RELN: variants seen among roughly 807,000 people sequenced by gnomAD.
RELN encodes the protein reelin.
In RELN, 108 loss-of-function variants were observed where a neutral mutation model predicts 427.6. The ratio of observed to expected loss-of-function variants is 0.25; its 90% CI spans 0.22 to 0.30. The LOEUF is 0.30. Among genes scored for constraint, RELN ranks in the 10% least tolerant of loss-of-function variants. RELN has a pLI of 1.00. For synonymous variants in RELN, 1,524 were observed against 1,513.4 expected, an observed-to-expected ratio of 1.01 and a Z score of -0.16; for missense variants, 3,715 against 4,302.8, an observed-to-expected ratio of 0.86 and a Z score of 3.82.
intron 2 of RELN, among the ~76,000 whole-genome samples, chr7:103,873,761 G>A (rs1264532930): frequency 7.2e-6 from 1 of 137,940 alleles, no homozygotes; most frequent in Admixed American, 7.4e-5. Flanking sequence ...ATTCACAGCC[G>A]AATTCTACCA....
Position 103,593,662 on chromosome 7 carries a change from A to G in RELN, c.3912+20T>C. ...TTTTACTCCTTAACTTGCTCTGGGA[A>G]GAAGCTTGTGCATAAATACCTTGAA... On this transcript the variant is annotated intron_variant, in intron 27 of 64. Coordinates refer to ENST00000428762, the MANE Select transcript of RELN (RefSeq NM_005045.4). The G allele has an allele frequency of 6.2e-7, 1 of 1,601,510 alleles. No individual in the cohort carries two copies.
At chr7:103,986,629 TAAAA>T (rs34403864) in intron 1 of RELN, among the ~76,000 whole-genome samples, 18 of 102,292 alleles carry the variant, frequency 1.8e-4, no homozygotes, top group South Asian at 6.9e-4. Flanking sequence ...TTCTTTTAGG[TAAAA>T]AAAAAAAAAA....
intron 11 of RELN, among the ~76,000 whole-genome samples, chr7:103,666,438 G>A (rs1833269472): frequency 6.6e-6 from 1 of 151,908 alleles, no homozygotes; most frequent in Non-Finnish European, 1.5e-5. Context: ...AAATGACTTA[G>A]ATTTAAAAAA....
chr7:103,515,288 G>A lies in RELN; in HGVS notation c.8016C>T (p.Asp2672=). Residue 2672 remains aspartate, a synonymous_variant, in exon 50 of 65, where the codon GAC becomes GAT. Transcript: ENST00000428762. ...GGGGTACTGGGGCGCTGCTGAAGGT[G>A]TCCAGCATAACGGTCCTTTGGTCAG... ...GSADQRTVML[D]TFSSAPVPQH... is the part of the protein sequence containing the mutation. The A allele has an allele frequency of 6.2e-7, 1 of 1,614,182 alleles. No homozygotes were observed. The highest frequency in any genetic ancestry group is 8.5e-7 in the Non-Finnish European group (1 of 1,180,030).
intron 47 of RELN, 91 bp downstream of exon 47, chr7:103,523,300 G>C: frequency 7.1e-7 from 1 of 1,411,778 alleles, no homozygotes; most frequent in South Asian, 1.2e-5. Context: ...AAGGAAGCAT[G>C]GGAGTGATTC....
In RELN at chr7:103,496,576, A is replaced by G. The variant is rs1481510908; in HGVS notation, c.9143T>C (p.Ile3048Thr). 3.1e-6 allele frequency: 5 copies of G among 1,614,030 alleles called. No homozygotes were observed. Among genetic ancestry groups the G allele is most frequent in the East Asian group, 4.5e-5 (2 of 44,896 alleles). The change falls in exon 56 of 65, where the codon ATT becomes ACT. Residue 3048 changes from isoleucine to threonine, a missense_variant. Transcript: ENST00000428762. ...GCTGGGATTGATTTCTGCTCCACCA[A>G]TCAAAATGTTGTCCAGTGCCCACTG... ...RAQWALDNIL[I>T]GGAEINPSQL...
chr7:103,612,905 T>C (rs182863157), intron 20 of RELN, among the ~76,000 whole-genome samples: 2 of 152,330 alleles, frequency 1.3e-5, no homozygotes, highest in African/African-American at 4.8e-5. Flanking sequence ...TGTAGTTACA[T>C]GAGTCAATGT....
At chr7:103,766,333 A>G (rs1304638139) in intron 4 of RELN, among the ~76,000 whole-genome samples, 1 of 152,228 alleles carries the variant, frequency 6.6e-6, no homozygotes, top group East Asian at 1.9e-4. Flanking sequence ...AGTGAAATAC[A>G]TCAGTATTTA....
At position 103,603,471 on chromosome 7, in the gene RELN, C is replaced by T; in HGVS notation, c.3166G>A (p.Gly1056Ser). Residue 1056 changes from glycine to serine, a missense_variant, in exon 24 of 65, where the codon GGC becomes AGC. By Grantham distance (56) the Gly-to-Ser change is moderately conservative. This residue lies in a region of RELN where 2,208 missense variants were observed against 2,361.7 expected (regional missense o/e 0.93). Transcript: ENST00000428762. The surrounding 1 kb of genome is among the most constrained non-coding windows in gnomAD (Gnocchi z 4.3). ...GICRCDQGYQ[G>S]TECHPEAALP... ...GCAGCTTCTGGGTGGCATTCAGTGC[C>T]TTGGTACCCCTGGTCACACCTATGA... 6.2e-7 allele frequency: 1 copy of T among 1,613,850 alleles called. No individual in the cohort carries two copies. Among genetic ancestry groups the T allele is most frequent in the Non-Finnish European group, 8.5e-7 (1 of 1,179,830 alleles).
intron 2 of RELN, among the ~76,000 whole-genome samples, chr7:103,905,239 A>T (rs1030256880): frequency 3.3e-5 from 5 of 151,754 alleles, no homozygotes; most frequent in African/African-American, 9.7e-5. Flanking sequence ...CACCCTCCCA[A>T]AGTGCTGGGA....
intron 13 of RELN, 90 bp downstream of exon 13, chr7:103,654,003 C>T: frequency 1.3e-6 from 1 of 788,404 alleles, no homozygotes; most frequent in Non-Finnish European, 2.3e-6. Flanking sequence ...GATGTATCTT[C>T]TGCATCTGGA....
chr7:103,815,173 A>G (rs262369), intron 3 of RELN, among the ~76,000 whole-genome samples: 144,265 of 152,292 alleles, frequency 0.95, 68,555 homozygotes, highest in South Asian at 1. Flanking sequence ...TAATAAGATC[A>G]TAGAGCTATT....
At chr7:103,503,295 T>C (rs370580315) in intron 51 of RELN, 65 bp from the exon 52 acceptor site, 3 of 1,467,996 alleles carry the variant, frequency 2.0e-6, no homozygotes, top group East Asian at 2.3e-5. Flanking sequence ...TCCAAGGACT[T>C]GGCAGCAAAA....
intron 20 of RELN, among the ~76,000 whole-genome samples, chr7:103,622,686 T>C (rs1366262701): frequency 6.6e-6 from 1 of 152,168 alleles, no homozygotes; most frequent in Non-Finnish European, 1.5e-5. Flanking sequence ...TATTCTAGAC[T>C]CTAATGCCTC....
intron 11 of RELN, among the ~76,000 whole-genome samples, chr7:103,680,108 C>T (rs116231672): frequency 0.019 from 2,948 of 151,822 alleles, 80 homozygotes; most frequent in African/African-American, 0.067. Flanking sequence ...AATTTTATTT[C>T]CCCCCCAAAC....
intron 3 of RELN, among the ~76,000 whole-genome samples, chr7:103,798,542 C>A (rs1342848386): frequency 6.6e-6 from 1 of 152,122 alleles, no homozygotes; most frequent in Non-Finnish European, 1.5e-5. Flanking sequence ...GCCTGTTACC[C>A]AGTAAGGTTT....
At position 103,563,660 on chromosome 7, in the gene RELN, C is replaced by CCTTCA. The variant is rs905323999; in HGVS notation, c.5210+1613_5210+1617dup. Among the ~76,000 whole-genome samples, 72 of 152,202 alleles carry CCTTCA rather than the reference C, an allele frequency of 4.7e-4. 1 individual carries two copies. Among genetic ancestry groups the CCTTCA allele is most frequent in the African/African-American group, 1.7e-3 (70 of 41,530 alleles). Reference sequence around the variant, plus strand: ...TAGTAGTGTACAGTAATATTCTAGGCCTTCACATTCACTCACCACTCACTC... The same window carrying CCTTCA: ...TAGTAGTGTACAGTAATATTCTAGGCCTTCACTTCACATTCACTCACCACTCACTC... On this transcript the variant is annotated intron_variant, in intron 34 of 64. Transcript: ENST00000428762. This position sits in a 1 kb window ranked among gnomAD's most constrained non-coding sequence, Gnocchi z 4.1.
chr7:103,553,898 G>T, intron 38 of RELN, 67 bp from the exon 39 acceptor site: 1 of 1,378,200 alleles, frequency 7.3e-7, no homozygotes, highest in Non-Finnish European at 1.0e-6. Flanking sequence ...TTTGCTCATT[G>T]AAAGAAAGCA....
chr7:103,979,071 A>G (rs879364093), intron 1 of RELN, among the ~76,000 whole-genome samples: 4 of 152,230 alleles, frequency 2.6e-5, no homozygotes, highest in African/African-American at 4.8e-5. Flanking sequence ...TTGAGTCGTT[A>G]AAGTCCAATG....
Sources: gnomAD v4.1 joint callset for allele counts (sites outside exome capture counted in the v4.1 genomes callset) on GRCh38, gnomAD v4.1.1 for gene constraint, gnomAD v4.1.1 regional missense constraint, Gnocchi (gnomAD v3.1) non-coding constraint, MANE v1.5 for transcripts, NCBI Gene and HGNC (gene_info 2026-07-23, HGNC 2026-07-21) for gene names.